The following C7orf57 variants were observed in gnomAD, a reference collection of about 807,000 sequenced individuals.
The protein encoded by C7orf57 is uncharacterized protein C7orf57.
Under a neutral mutation model 39.0 loss-of-function variants are expected in C7orf57, and 33 were observed. The ratio of observed to expected loss-of-function variants is 0.85; its 90% confidence interval spans 0.64 to 1.13. The LOEUF is 1.13. Ranked by LOEUF, C7orf57 falls within the 50% of genes most tolerant of loss-of-function variation. The pLI, the probability that C7orf57 is intolerant of heterozygous loss-of-function variation, is 0.00. For missense variants in C7orf57, 346 were observed against 362.3 expected, an observed-to-expected ratio of 0.95 and a Z score of 0.37; for synonymous variants, 124 against 137.1, an observed-to-expected ratio of 0.90 and a Z score of 0.67.
At chr7:48,047,682 GTTTT>G in intron 5 of C7orf57, among the ~76,000 whole-genome samples, 1 of 152,118 alleles carries the variant, frequency 6.6e-6, no homozygotes, top group South Asian at 2.1e-4. Flanking sequence ...TTTTATTGTT[GTTTT>G]TTTGTTTTTG....
chr7:48,048,475 T>G (rs2708888), intron 5 of C7orf57, among the ~76,000 whole-genome samples: 130,628 of 152,078 alleles, frequency 0.86, 56,610 homozygotes, highest in Non-Finnish European at 0.93. Flanking sequence ...TCTTGTTTCT[T>G]TTTTTTGAAA....
At chr7:48,038,160 A>G (rs186271324) in intron 2 of C7orf57, among the ~76,000 whole-genome samples, 1 of 152,264 alleles carries the variant, frequency 6.6e-6, no homozygotes, top group East Asian at 1.9e-4. Flanking sequence ...TGATTCAGCT[A>G]TTTAATGTCT....
chr7:48,041,504 C>T lies in C7orf57; in HGVS notation c.226C>T (p.Gln76Ter). ...TTCGGAATATGTGAAGCTCGCGAAA[C>T]AAGGTGGCAGGCCCGGTGAGCCCCC... ...TDSEYVKLAK[Q>*]GGRPDLLKHF... Residue 76 changes from glutamine to a stop codon, truncating the protein, a stop_gained, in exon 3 of 9, where the codon CAA becomes TAA. Transcript: ENST00000348904. LOFTEE classifies it high-confidence loss of function. 2.5e-6 allele frequency: 4 copies of T among 1,606,310 alleles called. No individual in the cohort carries two copies. Among genetic ancestry groups the T allele is most frequent in the Non-Finnish European group, 3.4e-6 (4 of 1,174,662 alleles).
chr7:48,036,801 A>C (rs1306375305), intron 2 of C7orf57, among the ~76,000 whole-genome samples: 2 of 152,210 alleles, frequency 1.3e-5, no homozygotes, highest in Non-Finnish European at 2.9e-5. Flanking sequence ...AAGCAAGTTA[A>C]ATATACATTC....
rs1233911664 is a variant in C7orf57 at position 48,055,015 on chromosome 7, T to C, written c.841+409T>C. On this transcript the variant is annotated intron_variant, in intron 8 of 8. Coordinates refer to ENST00000348904, the MANE Select transcript of C7orf57 (RefSeq NM_001100159.3). ...CCTCAGCCTCCCGAGTAACTGGGAC[T>C]ACAGGCGCCCGCCACAACGCCCAGC... 2.0e-5 allele frequency among the ~76,000 whole-genome samples: 3 copies of C among 152,032 alleles called. No homozygotes were observed. In the East Asian group the frequency reaches 5.8e-4, roughly 29 times the overall value.
intron 8 of C7orf57, among the ~76,000 whole-genome samples, chr7:48,059,002 T>G (rs1791209593): frequency 6.6e-6 from 1 of 152,198 alleles, no homozygotes; most frequent in East Asian, 1.9e-4. Context: ...GCAAAGCCCC[T>G]AAGAGCTGGA....
In C7orf57 at chr7:48,046,873, A is replaced by G. The variant is rs566317550; in HGVS notation, c.507+257A>G. On this transcript the variant is annotated intron_variant, in intron 5 of 8. Transcript: ENST00000348904. ...AATGATTTATAGATAGTTAATGCTT[A>G]TCTAGAGGAAAACTGGCATAGCACT... Among the ~76,000 whole-genome samples the G allele has an allele frequency of 3.3e-5, 5 of 152,380 alleles. No homozygotes were observed. The South Asian group carries it at 1.0e-3, about 32-fold the overall frequency.
At chr7:48,052,664 G>A (rs931608879) in intron 6 of C7orf57, 36 bp from the exon 7 acceptor site, 1 of 1,560,004 alleles carries the variant, frequency 6.4e-7, no homozygotes, top group African/African-American at 1.4e-5. Context: ...ATTAACCCTT[G>A]TACTTAAGTT....
rs1562629431 is a variant in C7orf57 at position 48,051,727 on chromosome 7, TC to T, written c.606-972del. 1.0e-3 allele frequency among the ~76,000 whole-genome samples: 27 copies of T among 25,956 alleles called. 2 individuals are homozygous for T. The highest frequency in any genetic ancestry group is 3.0e-3 in the East Asian group (3 of 1,004). The allele number at this position is 25,956 out of a possible 152,430, so 17.0% of individuals were successfully genotyped here. ...TCTCTCTCTCTCCTTTCTTTCTTTC[TC>T]TTTTTCTTTTCTTTCTTTTTCTTTT... On this transcript the variant is annotated intron_variant, in intron 6 of 8. Transcript: ENST00000348904.
At chr7:48,037,749 C>CTGTGTGTGTGTGTGTGTGTGTGTG (rs71006544) in intron 2 of C7orf57, among the ~76,000 whole-genome samples, 1 of 150,572 alleles carries the variant, frequency 6.6e-6, no homozygotes, top group Non-Finnish European at 1.5e-5. Flanking sequence ...CTTTAACCCT[C>CTGTGTGTGTGTGTGTGTGTGTGTG]TGTGTGTGTG....
At chr7:48,039,513 G>A (rs1184817189) in intron 2 of C7orf57, among the ~76,000 whole-genome samples, 2 of 151,078 alleles carry the variant, frequency 1.3e-5, no homozygotes, top group Non-Finnish European at 2.9e-5. Flanking sequence ...GGGTGGTGGG[G>A]GGCTTAGAAG....
At chr7:48,037,776 CGT>C (rs1562621242) in intron 2 of C7orf57, among the ~76,000 whole-genome samples, 2 of 76,082 alleles carry the variant, frequency 2.6e-5, no homozygotes, top group Non-Finnish European at 6.5e-5. Flanking sequence ...TGTGCGCGCG[CGT>C]GCGTGTGTGT....
intron 8 of C7orf57, among the ~76,000 whole-genome samples, chr7:48,054,861 G>C (rs1275925955): frequency 1.4e-4 from 21 of 151,578 alleles, no homozygotes; most frequent in Non-Finnish European, 2.4e-4. Context: ...TGATGATGAT[G>C]ATGATGATTA....
rs1562630032 is a variant in C7orf57 at position 48,051,823 on chromosome 7, CTT to C, written c.606-875_606-874del. Among the ~76,000 whole-genome samples the C allele has an allele frequency of 1.1e-3, 23 of 20,936 alleles. 1 individual carries two copies. The highest frequency in any genetic ancestry group is 3.8e-3 in the South Asian group (3 of 786). The allele number at this position is 20,936 out of a possible 152,430, so 13.7% of individuals were successfully genotyped here. ...CCTTCCTTCCTTTTCTCTTCTCTTTCTTTCTTTCTTTCTTTCTTTCTTTCTTT... is the reference window on the plus strand; with the variant it reads ...CCTTCCTTCCTTTTCTCTTCTCTTTCTCTTTCTTTCTTTCTTTCTTTCTTT... On this transcript the variant is annotated intron_variant, in intron 6 of 8. Coordinates refer to ENST00000348904, the MANE Select transcript of C7orf57 (RefSeq NM_001100159.3).
At chr7:48,057,215 G>T (rs1791141638) in intron 8 of C7orf57, among the ~76,000 whole-genome samples, 1 of 151,994 alleles carries the variant, frequency 6.6e-6, no homozygotes, top group South Asian at 2.1e-4. Flanking sequence ...ATTGTTTTGG[G>T]TAGTATGGAC....
rs543555167 is a variant in C7orf57 at position 48,035,650 on chromosome 7, A to G, written c.-102+20A>G. Reference sequence around the variant, plus strand: ...GAGCTGGTGAGCCTGAGCGGGCTGGAGGACAATGGGGGCGCCCACTGTGGT... The same window carrying G: ...GAGCTGGTGAGCCTGAGCGGGCTGGGGGACAATGGGGGCGCCCACTGTGGT... On this transcript the variant is annotated intron_variant, in intron 1 of 8. Transcript: ENST00000348904. This position sits in a 1 kb window ranked among gnomAD's most constrained non-coding sequence, Gnocchi z 4.0. The G allele has an allele frequency of 8.5e-5, 56 of 661,530 alleles. 1 individual carries two copies. The highest frequency in any genetic ancestry group is 8.2e-4 in the African/African-American group (45 of 54,596). The allele number at this position is 661,530 out of a possible 1,614,324, so 41.0% of individuals were successfully genotyped here.
rs1435076876 is a variant in C7orf57 at position 48,039,764 on chromosome 7, ACAG to A, written c.56-1569_56-1567del. Reference sequence around the variant, plus strand: ...AGACTCTGAACATACTGCCCCTGTGACAGTACGTTCTGATAAGTGGTATTGAAT... The same window carrying A: ...AGACTCTGAACATACTGCCCCTGTGATACGTTCTGATAAGTGGTATTGAAT... On this transcript the variant is annotated intron_variant, in intron 2 of 8. Transcript: ENST00000348904. Among the ~76,000 whole-genome samples the A allele has an allele frequency of 8.2e-4, 99 of 120,828 alleles. 1 individual carries two copies. Among genetic ancestry groups the A allele is most frequent in the African/African-American group, 3.1e-3 (88 of 28,774 alleles). 79.3% of individuals were successfully genotyped at this position (120,828 alleles called of 152,430 possible).
At chr7:48,059,928 T>C (rs1222887813) in intron 8 of C7orf57, among the ~76,000 whole-genome samples, 1 of 152,182 alleles carries the variant, frequency 6.6e-6, no homozygotes, top group African/African-American at 2.4e-5. Context: ...ATTTATTTAA[T>C]AATTCTTATC....
chr7:48,059,655 G>C (rs1000328380), intron 8 of C7orf57, among the ~76,000 whole-genome samples: 16 of 152,088 alleles, frequency 1.1e-4, no homozygotes, highest in African/African-American at 3.6e-4. Flanking sequence ...CCAGCCTAAG[G>C]CTTCTTCTTA....
Sources: allele counts gnomAD v4.1 joint callset (sites outside exome capture counted in the v4.1 genomes callset), GRCh38; gene constraint gnomAD v4.1.1; non-coding constraint Gnocchi (gnomAD v3.1); transcripts MANE v1.5; gene names NCBI Gene and HGNC (gene_info 2026-07-23, HGNC 2026-07-21).